STK26: variants seen among roughly 807,000 people sequenced by gnomAD.
The protein encoded by STK26 is serine/threonine kinase 26, also known as serine/threonine-protein kinase 26.
Under a neutral mutation model 34.7 loss-of-function variants are expected in STK26, and 14 were observed. That is an observed-to-expected ratio of 0.40 (90% CI 0.27 to 0.63). The LOEUF (loss-of-function observed/expected upper bound fraction) is 0.63, where lower values mean the gene tolerates loss of function less well. Ranked by LOEUF, STK26 falls within the 30% of genes least tolerant of loss-of-function variation. STK26 has a pLI of 0.38. For synonymous variants in STK26, 100 were observed against 109.8 expected (o/e 0.91, Z 0.56); for missense variants, 226 against 309.1 (o/e 0.73, Z 2.02).
chrX:132,066,032 CAG>C (rs1338335377), intron 4 of STK26, among the ~76,000 whole-genome samples: 2 of 111,489 alleles, frequency 1.8e-5, no homozygotes, highest in Admixed American at 9.5e-5. Flanking sequence ...GGATGTTTAG[CAG>C]AGAGTGTTTC....
intron 2 of STK26, among the ~76,000 whole-genome samples, chrX:132,053,448 T>C (rs1387440816): frequency 8.9e-6 from 1 of 112,006 alleles, no homozygotes; most frequent in Non-Finnish European, 1.9e-5. Flanking sequence ...GTCCATTTGG[T>C]GATCATGGTG....
At chrX:132,063,984 C>G (rs762464475) in intron 4 of STK26, among the ~76,000 whole-genome samples, 19 of 111,460 alleles carry the variant, frequency 1.7e-4, no homozygotes, top group Non-Finnish European at 3.0e-4. Context: ...GGTGAGTTCT[C>G]ATGAATGAGA....
At chrX:132,072,752 A>G (rs1363427455) in intron 9 of STK26, 61 bp from the exon 10 acceptor site, 4 of 1,110,072 alleles carry the variant, frequency 3.6e-6, no homozygotes, top group Admixed American at 2.2e-5. Flanking sequence ...TTGTTAAAGA[A>G]TAAGAAAATC....
chrX:132,041,872 CTAATA>C lies in STK26; in HGVS notation c.43-12754_43-12750del, dbSNP rs748784014. On this transcript the variant is annotated intron_variant, in intron 2 of 11. Coordinates refer to ENST00000394334, the MANE Select transcript of STK26 (RefSeq NM_016542.4). ...AATAGACAAGGACTATAAATATCAA[CTAATA>C]TAATGCTTTATATTTATATTAGCAA... 3.6e-5 allele frequency among the ~76,000 whole-genome samples: 4 copies of C among 111,594 alleles called. No homozygotes were observed. The East Asian group carries it at 1.1e-3, about 31-fold the overall frequency.
chrX:132,030,503 C>G (rs1925791760), intron 2 of STK26, among the ~76,000 whole-genome samples: 1 of 111,692 alleles, frequency 9.0e-6, no homozygotes, highest in African/African-American at 3.3e-5. Flanking sequence ...TTCACTCACA[C>G]TAAGATGTTT....
chrX:132,072,220 G>A (rs1354562796), intron 8 of STK26, 48 bp from the exon 9 acceptor site: 1 of 1,026,581 alleles, frequency 9.7e-7, no homozygotes, highest in Non-Finnish European at 1.4e-6. Flanking sequence ...TTTTTGCCAA[G>A]CTGAATCATT....
intron 2 of STK26, among the ~76,000 whole-genome samples, chrX:132,026,944 G>A (rs763279650): frequency 1.8e-5 from 2 of 112,189 alleles, no homozygotes; most frequent in African/African-American, 3.2e-5. Context: ...AACACTGCCC[G>A]ACATTGGTGA....
At position 132,068,396 on chromosome X, in the gene STK26, C is replaced by CT; in HGVS notation, c.440-9dup. ...GCAAGCTGAGTTTTTTTTTGCTTTT[C>CT]TTTTTTTCCTCCTAGCTGCCAATGT... On this transcript the variant is annotated splice_polypyrimidine_tract_variant and intron_variant, in intron 5 of 11. Transcript: ENST00000394334. 8.4e-7 allele frequency: 1 copy of CT among 1,195,593 alleles called. No homozygotes were observed. Among genetic ancestry groups the CT allele is most frequent in the Non-Finnish European group, 1.1e-6 (1 of 890,443 alleles).
Position 132,037,386 on chromosome X carries a change from C to G in STK26, c.42+13727C>G, listed in dbSNP as rs1306463658. 6.3e-5 allele frequency among the ~76,000 whole-genome samples: 7 copies of G among 111,569 alleles called. No individual in the cohort carries two copies. The South Asian group carries it at 1.1e-3, about 18-fold the overall frequency. ...ACAGAGTACAGACAATGGGAAATGGCTTTTAATGAAATTCAATACCAATAT... is the reference window on the plus strand; with the variant it reads ...ACAGAGTACAGACAATGGGAAATGGGTTTTAATGAAATTCAATACCAATAT... On this transcript the variant is annotated intron_variant, in intron 2 of 11. Transcript: ENST00000394334.
intron 2 of STK26, among the ~76,000 whole-genome samples, chrX:132,035,199 A>T (rs1925998495): frequency 9.0e-6 from 1 of 111,333 alleles, no homozygotes; most frequent in African/African-American, 3.3e-5. Flanking sequence ...ATTGTGAGAG[A>T]TGAAAACAAC....
Position 132,049,296 on chromosome X carries a change from C to CT in STK26, c.43-5327dup, listed in dbSNP as rs780066974. Among the ~76,000 whole-genome samples, 30 of 111,637 alleles carry CT rather than the reference C, an allele frequency of 2.7e-4. No homozygotes were observed. In the East Asian group the frequency reaches 3.9e-3, roughly 15 times the overall value. ...GCCAACTGCACCTGGCCTAAATCTC[C>CT]TTTTTTTTAAAAAAATGATATCTTG... is the stretch of plus-strand genomic sequence containing the variant. On this transcript the variant is annotated intron_variant, in intron 2 of 11. Transcript: ENST00000394334.
intron 4 of STK26, among the ~76,000 whole-genome samples, chrX:132,064,779 C>T (rs1309452757): frequency 9.0e-6 from 1 of 111,160 alleles, no homozygotes; most frequent in Non-Finnish European, 1.9e-5. Flanking sequence ...ATAGAGTATG[C>T]TGTTTCTAAG....
At position 132,073,057 on chromosome X, in the gene STK26, A is replaced by G; in HGVS notation, c.1190A>G (p.Asp397Gly). ...VAEAACPGIT[D>G]KMVKKLIEKF... ...GAAGCCGCCTGTCCCGGCATCACAGATAAAATGGTGAAGAAACTAATTGAA... is the reference window on the plus strand; with the variant it reads ...GAAGCCGCCTGTCCCGGCATCACAGGTAAAATGGTGAAGAAACTAATTGAA... Residue 397 changes from aspartate (D) to glycine (G), a missense_variant, in exon 11 of 12, where the codon GAT (aspartate) becomes GGT (glycine). Physicochemically the swap from Asp to Gly is moderately conservative, Grantham distance 94 (BLOSUM62 -1). This residue lies in a region of STK26 where 126 missense variants were observed against 132.4 expected (regional missense o/e 0.95). Coordinates refer to ENST00000394334, the MANE Select transcript of STK26 (RefSeq NM_016542.4). 8.3e-7 allele frequency: 1 copy of G among 1,198,792 alleles called. No homozygotes were observed. Among genetic ancestry groups the G allele is most frequent in the Non-Finnish European group, 1.1e-6 (1 of 890,259 alleles).
At chrX:132,065,166 T>C (rs1259074832) in intron 4 of STK26, among the ~76,000 whole-genome samples, 1 of 111,706 alleles carries the variant, frequency 9.0e-6, no homozygotes. Context: ...ACACCACTGA[T>C]GTTTCTTTGT....
chrX:132,042,735 T>G (rs775393204), intron 2 of STK26, among the ~76,000 whole-genome samples: 35 of 111,288 alleles, frequency 3.1e-4, no homozygotes, highest in Non-Finnish European at 5.9e-4. Context: ...TTAGAGACCA[T>G]TCTTTTGTTC....
At chrX:132,063,894 A>G (rs767837647) in intron 4 of STK26, among the ~76,000 whole-genome samples, 2 of 111,744 alleles carry the variant, frequency 1.8e-5, no homozygotes, top group East Asian at 5.6e-4. Context: ...GTGTCCCCCC[A>G]AAATTCATAT....
intron 2 of STK26, among the ~76,000 whole-genome samples, chrX:132,040,795 T>C (rs1926236811): frequency 8.9e-6 from 1 of 111,833 alleles, no homozygotes; most frequent in Admixed American, 9.5e-5. Context: ...GTAAGGAGAA[T>C]AATACTTAAT....
intron 2 of STK26, among the ~76,000 whole-genome samples, chrX:132,028,032 T>TG (rs1935139853): frequency 4.7e-5 from 1 of 21,437 alleles, no homozygotes; most frequent in African/African-American, 1.9e-4. Flanking sequence ...ATTTTTATGG[T>TG]TTTTTTTTTT....
At chrX:132,051,701 A>G (rs747534403) in intron 2 of STK26, among the ~76,000 whole-genome samples, 2 of 110,274 alleles carry the variant, frequency 1.8e-5, no homozygotes, top group Non-Finnish European at 3.8e-5. Context: ...GCACCCATCA[A>G]CTCATCATTT....
Sources: allele counts gnomAD v4.1 joint callset (sites outside exome capture counted in the v4.1 genomes callset), GRCh38; gene constraint gnomAD v4.1.1; regional missense constraint gnomAD v4.1.1; transcripts MANE v1.5; gene names NCBI Gene and HGNC (gene_info 2026-07-23, HGNC 2026-07-21).